Variants in GALNT13 observed in about 807,000 individuals in gnomAD.
The protein encoded by GALNT13 is polypeptide N-acetylgalactosaminyltransferase 13, also known as UDP-GalNAc:polypeptide N-acetylgalactosaminyltransferase 13.
Under a neutral mutation model 64.2 loss-of-function variants are expected in GALNT13, and 28 were observed. The ratio of observed to expected loss-of-function variants is 0.44; its 90% confidence interval spans 0.32 to 0.60. GALNT13 has a LOEUF of 0.60. GALNT13 is among the 20% of genes least tolerant of loss of function. The pLI is 0.05. For missense variants in GALNT13, 577 were observed against 669.8 expected, an observed-to-expected ratio of 0.86 and a Z score of 1.53; for synonymous variants, 214 against 224.6, an observed-to-expected ratio of 0.95 and a Z score of 0.42.
chr2:153,410,754 A>G, the GALNT13 span, among the ~76,000 whole-genome samples: 1 of 152,164 alleles, frequency 6.6e-6, no homozygotes, highest in Non-Finnish European at 1.5e-5. Context: ...GCAGGGAAAT[A>G]GAGATAAAAA....
chr2:154,037,968 C>T (rs549736902), intron 3 of GALNT13, among the ~76,000 whole-genome samples: 2 of 152,140 alleles, frequency 1.3e-5, no homozygotes, highest in Admixed American at 1.3e-4. Context: ...CACAACATAG[C>T]AAGGGACAAC....
chr2:154,303,212 G>C (rs536363689), intron 9 of GALNT13, among the ~76,000 whole-genome samples: 6 of 151,938 alleles, frequency 3.9e-5, no homozygotes, highest in Non-Finnish European at 8.8e-5. Context: ...TCTCTGGTGA[G>C]AGAGAGGGCT....
intron 4 of GALNT13, among the ~76,000 whole-genome samples, chr2:154,172,705 T>A (rs942939412): frequency 2.0e-5 from 3 of 151,884 alleles, no homozygotes; most frequent in Non-Finnish European, 4.4e-5. Context: ...TCTTCACTTA[T>A]CTGTTGATGG....
the GALNT13 span, among the ~76,000 whole-genome samples, chr2:153,643,035 G>T: frequency 6.6e-6 from 1 of 151,460 alleles, no homozygotes; most frequent in Non-Finnish European, 1.5e-5. Flanking sequence ...TATAATCTGT[G>T]AGGTGTAGTA....
chr2:153,223,128 A>G, the GALNT13 span, among the ~76,000 whole-genome samples: 1 of 152,204 alleles, frequency 6.6e-6, no homozygotes, highest in African/African-American at 2.4e-5. Context: ...AAGATAAAAC[A>G]ATCTTAAATA....
intron 9 of GALNT13, among the ~76,000 whole-genome samples, chr2:154,342,679 G>A (rs558870562): frequency 1.2e-4 from 19 of 152,078 alleles, no homozygotes; most frequent in African/African-American, 4.6e-4. Flanking sequence ...CAGCAAAGTT[G>A]AATAAGTACA....
chr2:153,130,869 G>C, the GALNT13 span, among the ~76,000 whole-genome samples: 24 of 152,156 alleles, frequency 1.6e-4, no homozygotes, highest in African/African-American at 5.3e-4. Context: ...ACCCTGGTGA[G>C]CTGAGGCTGC....
At chr2:154,414,607 A>G (rs1012019299) in intron 11 of GALNT13, among the ~76,000 whole-genome samples, 1 of 151,818 alleles carries the variant, frequency 6.6e-6, no homozygotes. Context: ...TAATGATTTT[A>G]AAAACTGGCA....
chr2:153,631,950 A>G, the GALNT13 span, among the ~76,000 whole-genome samples: 1 of 152,058 alleles, frequency 6.6e-6, no homozygotes, highest in Non-Finnish European at 1.5e-5. Context: ...TTTTAAACCA[A>G]TAATATCAGT....
chr2:154,104,321 G>T (rs535099087), intron 3 of GALNT13, among the ~76,000 whole-genome samples: 1 of 152,118 alleles, frequency 6.6e-6, no homozygotes, highest in South Asian at 2.1e-4. Flanking sequence ...TCTGCCCTCC[G>T]ATGCAAGGAC....
chr2:153,709,297 A>G, the GALNT13 span, among the ~76,000 whole-genome samples: 3 of 152,066 alleles, frequency 2.0e-5, no homozygotes, highest in Non-Finnish European at 2.9e-5. Context: ...CAAAAACAAA[A>G]CAAACAAAAA....
chr2:153,071,875 C>T, the GALNT13 span, among the ~76,000 whole-genome samples: 2 of 151,964 alleles, frequency 1.3e-5, no homozygotes, highest in East Asian at 1.9e-4. Flanking sequence ...CATATGTGGC[C>T]CAGAAAGCCT....
chr2:153,168,443 T>C, the GALNT13 span, among the ~76,000 whole-genome samples: 1 of 152,230 alleles, frequency 6.6e-6, no homozygotes, highest in African/African-American at 2.4e-5. Context: ...GTTATATATT[T>C]GTGGTACACA....
chr2:153,940,870 A>G (rs901607021), intron 2 of GALNT13, among the ~76,000 whole-genome samples: 5 of 152,192 alleles, frequency 3.3e-5, no homozygotes, highest in Admixed American at 6.6e-5. Flanking sequence ...TCTACAAAAG[A>G]AAGTTTATGA....
At chr2:154,369,696 C>T (rs867962838) in intron 9 of GALNT13, among the ~76,000 whole-genome samples, 4 of 152,102 alleles carry the variant, frequency 2.6e-5, no homozygotes, top group Non-Finnish European at 5.9e-5. Context: ...GGCAGATATT[C>T]GAATCACAGC....
chr2:154,197,568 A>G lies in GALNT13; in HGVS notation c.312-44462A>G, dbSNP rs1686947274. Reference sequence around the variant, plus strand: ...AAGACTTCAAAGTAAGAAGTAGAACACTAAAATTATTATTAATATATTTAG... The same window carrying G: ...AAGACTTCAAAGTAAGAAGTAGAACGCTAAAATTATTATTAATATATTTAG... On this transcript the variant is annotated intron_variant, in intron 4 of 12. Transcript: ENST00000392825. Among the ~76,000 whole-genome samples the G allele has an allele frequency of 2.6e-5, 4 of 152,216 alleles. No individual in the cohort carries two copies. The South Asian group carries it at 8.3e-4, about 32-fold the overall frequency.
At chr2:153,148,004 A>G in the GALNT13 span, among the ~76,000 whole-genome samples, 12 of 151,820 alleles carry the variant, frequency 7.9e-5, no homozygotes, top group Non-Finnish European at 1.6e-4. Context: ...AACGTATAAG[A>G]ACTACATCTA....
the GALNT13 span, among the ~76,000 whole-genome samples, chr2:153,183,161 A>G: frequency 6.6e-6 from 1 of 152,242 alleles, no homozygotes; most frequent in South Asian, 2.1e-4. Flanking sequence ...CTTCTTAATA[A>G]TAGCCATTCT....
chr2:153,276,961 G>A, the GALNT13 span, among the ~76,000 whole-genome samples: 2 of 151,932 alleles, frequency 1.3e-5, no homozygotes, highest in African/African-American at 4.8e-5. Context: ...AAATTAGTTT[G>A]TTTTTCCAGA....
Sources: gnomAD v4.1 joint callset for allele counts (sites outside exome capture counted in the v4.1 genomes callset) on GRCh38, gnomAD v4.1.1 for gene constraint, MANE v1.5 for transcripts, NCBI Gene and HGNC (gene_info 2026-07-23, HGNC 2026-07-21) for gene names.